Variants in NPTN observed in about 807,000 individuals in gnomAD.
The protein encoded by NPTN is neuroplastin, also known as SDR-1.
A neutral mutation model predicts 42.7 loss-of-function variants in NPTN; 5 were observed. The ratio of observed to expected loss-of-function variants is 0.12; its 90% confidence interval spans 0.06 to 0.25. The LOEUF is 0.25. Among genes scored for constraint, NPTN ranks in the 10% least tolerant of loss-of-function variants. The pLI is 1.00. For synonymous variants in NPTN, 180 were observed against 201.9 expected (o/e 0.89, Z 0.92); for missense variants, 307 against 525.4 (o/e 0.58, Z 4.06).
chr15:73,580,036 T>C lies in NPTN; in HGVS notation c.707-6241A>G, dbSNP rs1377184351. Among the ~76,000 whole-genome samples, 10 of 152,124 alleles carry C rather than the reference T, an allele frequency of 6.6e-5. No homozygotes were observed. In the East Asian group the frequency reaches 1.7e-3, roughly 26 times the overall value. On this transcript the variant is annotated intron_variant, in intron 4 of 8. Coordinates refer to ENST00000345330, the MANE Select transcript of NPTN (RefSeq NM_012428.4). ...GTATGTATAGATACAAATATACCAATTGATGAAGCAGACATTACCCCACTT... is the reference window on the plus strand; with the variant it reads ...GTATGTATAGATACAAATATACCAACTGATGAAGCAGACATTACCCCACTT...
At chr15:73,622,297 AG>A (rs1283445674) in intron 1 of NPTN, among the ~76,000 whole-genome samples, 1 of 152,188 alleles carries the variant, frequency 6.6e-6, no homozygotes, top group East Asian at 1.9e-4. Flanking sequence ...TAGAAAGAAA[AG>A]GGTGTGGTCA....
At chr15:73,582,946 C>T (rs28420780) in intron 4 of NPTN, among the ~76,000 whole-genome samples, 4,424 of 152,276 alleles carry the variant, frequency 0.029, 248 homozygotes, top group African/African-American at 0.1. Context: ...ACTGGCTCTC[C>T]TTGCTCCTCA....
At chr15:73,609,448 G>A (rs1159064792) in intron 1 of NPTN, among the ~76,000 whole-genome samples, 5 of 152,126 alleles carry the variant, frequency 3.3e-5, no homozygotes, top group Non-Finnish European at 5.9e-5. Context: ...GGCCAACATG[G>A]TGAAACCCCG....
intron 1 of NPTN, among the ~76,000 whole-genome samples, 164 bp downstream of exon 1, chr15:73,632,961 C>T (rs113998863): frequency 0.01 from 1,542 of 152,284 alleles, 30 homozygotes; most frequent in African/African-American, 0.035. Context: ...ACACCCGCGC[C>T]TCCTCAAACC....
chr15:73,628,019 T>C (rs1025692070), intron 1 of NPTN, among the ~76,000 whole-genome samples: 1 of 152,088 alleles, frequency 6.6e-6, no homozygotes, highest in Admixed American at 6.5e-5. Flanking sequence ...AAAAAATCCA[T>C]AAAAATTTCA....
intron 4 of NPTN, among the ~76,000 whole-genome samples, chr15:73,583,784 C>G (rs1249614398): frequency 6.6e-6 from 1 of 152,218 alleles, no homozygotes; most frequent in African/African-American, 2.4e-5. Flanking sequence ...ATCACACTAG[C>G]TGCCTTTCCT....
intron 3 of NPTN, among the ~76,000 whole-genome samples, chr15:73,589,153 G>A (rs903638857): frequency 2.6e-5 from 4 of 151,996 alleles, no homozygotes; most frequent in East Asian, 1.9e-4. Context: ...GAAACATGGC[G>A]AAACGCTATC....
intron 4 of NPTN, 127 bp from the exon 5 acceptor site, chr15:73,573,922 T>A: frequency 8.2e-7 from 1 of 1,221,020 alleles, no homozygotes; most frequent in Non-Finnish European, 1.1e-6. Flanking sequence ...CATACTCAGC[T>A]TTGATGAAGA....
Position 73,592,155 on chromosome 15 carries a change from A to T in NPTN, c.440-18T>A, listed in dbSNP as rs1353937166. The T allele has an allele frequency of 6.2e-7, 1 of 1,606,558 alleles. No homozygotes were observed. Among genetic ancestry groups the T allele is most frequent in the Non-Finnish European group, 8.5e-7 (1 of 1,175,280 alleles). ...CCTTGGCTCTGTAATAAGAGTGCAC[A>T]ATGATAGGGGGCAATAGCCTTCCAT... is the stretch of plus-strand genomic sequence containing the variant. On this transcript the variant is annotated intron_variant, in intron 2 of 8. Coordinates refer to ENST00000345330, the MANE Select transcript of NPTN (RefSeq NM_012428.4).
At chr15:73,595,423 C>T (rs924790589) in intron 2 of NPTN, among the ~76,000 whole-genome samples, 1 of 152,146 alleles carries the variant, frequency 6.6e-6, no homozygotes, top group Admixed American at 6.5e-5. Context: ...GAAGCAGGTT[C>T]TTTGATTCAA....
rs1895532768 is a variant in NPTN, at chr15:73,573,665, G to A, written c.837C>T (p.Pro279=). 1.3e-6 allele frequency: 2 copies of A among 1,576,352 alleles called. No individual in the cohort carries two copies. Among genetic ancestry groups the A allele is most frequent in the African/African-American group, 1.4e-5 (1 of 72,716 alleles). Residue 279 remains proline, a synonymous_variant, in exon 5 of 9, where the codon CCC becomes CCT. Transcript: ENST00000345330. ...CCCGGGCCTGCCTCCTACTCACCAT[G>A]GGCATCCCGTTCTCCTTCTTGCGCC... ...WIWRKKENGM[P]MDIVNTSGRF... is the part of the protein sequence containing the mutation.
chr15:73,614,576 A>G (rs1897769677), intron 1 of NPTN, among the ~76,000 whole-genome samples: 1 of 152,194 alleles, frequency 6.6e-6, no homozygotes, highest in Non-Finnish European at 1.5e-5. Context: ...CAGATTATAA[A>G]TTATTTGGAA....
chr15:73,607,516 T>C (rs966430180), intron 1 of NPTN, among the ~76,000 whole-genome samples: 2 of 152,198 alleles, frequency 1.3e-5, no homozygotes, highest in Non-Finnish European at 2.9e-5. Flanking sequence ...ACATTTTAAC[T>C]GAAAGAGGTA....
chr15:73,627,880 T>A (rs983148990), intron 1 of NPTN, among the ~76,000 whole-genome samples: 2 of 152,178 alleles, frequency 1.3e-5, no homozygotes, highest in African/African-American at 4.8e-5. Flanking sequence ...ACTTTTAAAT[T>A]CAGTAAGAAG....
In NPTN at chr15:73,587,999, T is replaced by C. The variant is rs542243010; in HGVS notation, c.612-381A>G. Among the ~76,000 whole-genome samples, 3 of 152,272 alleles carry C rather than the reference T, an allele frequency of 2.0e-5. No homozygotes were observed. In the South Asian group the frequency reaches 6.2e-4, roughly 32 times the overall value. Reference sequence around the variant, plus strand: ...GCTCACCCCTGTAATCCTAGCACTTTAGGAGGCTGAGACAGGTGGATCACG... The same window carrying C: ...GCTCACCCCTGTAATCCTAGCACTTCAGGAGGCTGAGACAGGTGGATCACG... On this transcript the variant is annotated intron_variant, in intron 3 of 8. Transcript: ENST00000345330.
chr15:73,577,351 C>T (rs895604613), intron 4 of NPTN, among the ~76,000 whole-genome samples: 1 of 152,176 alleles, frequency 6.6e-6, no homozygotes, highest in Non-Finnish European at 1.5e-5. Flanking sequence ...TCAGAGCCTA[C>T]ACCTTAAGAT....
intron 1 of NPTN, among the ~76,000 whole-genome samples, chr15:73,598,654 T>G (rs1001124711): frequency 3.9e-5 from 6 of 152,176 alleles, no homozygotes; most frequent in Non-Finnish European, 2.9e-5. Flanking sequence ...GCATTCTGAT[T>G]GGCTTGGAAA....
At chr15:73,618,618 G>A (rs1897977601) in intron 1 of NPTN, among the ~76,000 whole-genome samples, 1 of 152,196 alleles carries the variant, frequency 6.6e-6, no homozygotes, top group African/African-American at 2.4e-5. Flanking sequence ...GCTCAAGCCT[G>A]TAATCCCAAC....
chr15:73,570,382 C>T lies in NPTN; in HGVS notation c.882G>A (p.Lys294=). The change falls in exon 6 of 9, where the codon AAG becomes AAA. Residue 294 remains lysine, a synonymous_variant. Transcript: ENST00000345330. This position sits in a 1 kb window ranked among gnomAD's most constrained non-coding sequence, Gnocchi z 4.0. ...CAATGTTCAACTCAGTGTAATTTTC[C>T]TTGTTGATGATGAAGAAGCGGCCAG... ...NTSGRFFIIN[K]ENYTELNIVN... 6.2e-7 allele frequency: 1 copy of T among 1,613,766 alleles called. No individual in the cohort carries two copies. Among genetic ancestry groups the T allele is most frequent in the Non-Finnish European group, 8.5e-7 (1 of 1,179,974 alleles).
Sources: allele counts gnomAD v4.1 joint callset (sites outside exome capture counted in the v4.1 genomes callset), GRCh38; gene constraint gnomAD v4.1.1; non-coding constraint Gnocchi (gnomAD v3.1); transcripts MANE v1.5; gene names NCBI Gene and HGNC (gene_info 2026-07-23, HGNC 2026-07-21).